Variants in GALNT2 observed in about 807,000 individuals in gnomAD.
GALNT2 encodes the protein polypeptide N-acetylgalactosaminyltransferase 2, also known as UDP-GalNAc:polypeptide N-acetylgalactosaminyltransferase 2.
A neutral mutation model predicts 81.4 loss-of-function variants in GALNT2; 31 were observed. That is an observed-to-expected ratio of 0.38 (90% confidence interval 0.29 to 0.51). The LOEUF (loss-of-function observed/expected upper bound fraction) is 0.51. Ranked by LOEUF, GALNT2 falls within the 20% of genes least tolerant of loss-of-function variation. The pLI is 0.87. For synonymous variants in GALNT2, 303 were observed against 287.4 expected (o/e 1.05, Z -0.55); for missense variants, 629 against 765.7 (o/e 0.82, Z 2.11).
chr1:230,151,836 C>T (rs995079811), intron 1 of GALNT2, among the ~76,000 whole-genome samples: 9 of 152,226 alleles, frequency 5.9e-5, no homozygotes, highest in Non-Finnish European at 1.0e-4. Flanking sequence ...AGAGCAGCCT[C>T]GAGAGCTGCT....
In GALNT2 at chr1:230,086,699, C is replaced by T. The variant is rs74524345; in HGVS notation, c.126+19293C>T. Reference sequence around the variant, plus strand: ...GAGGATTTTGCTGCAGCCTGAATCTCCTGGGTTGGATCTCTTAGAGCAATT... The same window carrying T: ...GAGGATTTTGCTGCAGCCTGAATCTTCTGGGTTGGATCTCTTAGAGCAATT... On this transcript the variant is annotated intron_variant, in intron 1 of 15. Transcript: ENST00000366672. 1.5e-4 allele frequency among the ~76,000 whole-genome samples: 23 copies of T among 152,240 alleles called. No homozygotes were observed. In the East Asian group the frequency reaches 3.7e-3, roughly 24 times the overall value.
chr1:230,058,334 T>G (rs1387978258), intron 1 of GALNT2, among the ~76,000 whole-genome samples: 2 of 152,036 alleles, frequency 1.3e-5, no homozygotes, highest in East Asian at 3.9e-4. Context: ...GCGGGGAAGG[T>G]GGGAACAAGA....
chr1:230,114,341 G>T (rs1660783949), intron 1 of GALNT2, among the ~76,000 whole-genome samples: 1 of 152,214 alleles, frequency 6.6e-6, no homozygotes, highest in South Asian at 2.1e-4. Context: ...TTTCCCTGGT[G>T]AAGACTGAGC....
At chr1:230,116,061 A>C (rs916150471) in intron 1 of GALNT2, among the ~76,000 whole-genome samples, 2 of 152,178 alleles carry the variant, frequency 1.3e-5, no homozygotes, top group African/African-American at 4.8e-5. Flanking sequence ...GAAGGTTGGA[A>C]TCAGCTTCTT....
chr1:230,249,273 T>C lies in GALNT2; in HGVS notation c.905+2T>C. On this transcript the variant is annotated splice_donor_variant, in intron 9 of 15. Coordinates refer to ENST00000366672, the MANE Select transcript of GALNT2 (RefSeq NM_004481.5). LOFTEE classifies it high-confidence loss of function. The stretch of plus-strand genomic sequence containing the variant: ...GGGGAACCCAGTCGCCCCTATAAAG[T>C]AAGTGCCAGCATCCTTCAGGGTGCC... 1 of 1,613,694 alleles carries C rather than the reference T, an allele frequency of 6.2e-7. No individual in the cohort carries two copies. Among genetic ancestry groups the C allele is most frequent in the Non-Finnish European group, 8.5e-7 (1 of 1,179,810 alleles).
At chr1:230,138,199 A>G (rs138714109) in intron 1 of GALNT2, among the ~76,000 whole-genome samples, 226 of 152,320 alleles carry the variant, frequency 1.5e-3, no homozygotes, top group African/African-American at 5.0e-3. Flanking sequence ...GGGTGAGTCC[A>G]TGGAGTAAAG....
rs1252177179 is a variant in GALNT2 at position 230,227,424 on chromosome 1, CTAATACAGCTATATATATATATGCTATA to C, written c.375-8556_375-8529del. On this transcript the variant is annotated intron_variant, in intron 3 of 15. Transcript: ENST00000366672. ...AATCCTAAACCAAATACTAGCAAAT[CTAATACAGCTATATATATATATGCTATA>C]TAATACAGCTATATATATATATGCT... 1.1e-4 allele frequency among the ~76,000 whole-genome samples: 17 copies of C among 150,012 alleles called. No homozygotes were observed. In the South Asian group the frequency reaches 2.3e-3, roughly 20 times the overall value.
At chr1:230,244,730 A>C (rs987168147) in intron 7 of GALNT2, among the ~76,000 whole-genome samples, 1 of 152,206 alleles carries the variant, frequency 6.6e-6, no homozygotes, top group Admixed American at 6.5e-5. Context: ...CCTTTAACTC[A>C]TACACCTAGA....
chr1:230,113,546 G>A lies in GALNT2; in HGVS notation c.126+46140G>A, dbSNP rs931556553. On this transcript the variant is annotated intron_variant, in intron 1 of 15. Coordinates refer to ENST00000366672, the MANE Select transcript of GALNT2 (RefSeq NM_004481.5). ...CAGCTAAACAGCCATGTGGGACAAC[G>A]GCTGAGCAATGACAGTGGAACCCAG... Among the ~76,000 whole-genome samples the A allele has an allele frequency of 5.3e-5, 8 of 152,148 alleles. No homozygotes were observed. The East Asian group carries it at 1.4e-3, about 26-fold the overall frequency.
intron 3 of GALNT2, among the ~76,000 whole-genome samples, chr1:230,211,355 G>T (rs1016269316): frequency 6.6e-6 from 1 of 152,228 alleles, no homozygotes; most frequent in African/African-American, 2.4e-5. Flanking sequence ...TTCTGGCTTT[G>T]TTGGCATTTG....
intron 2 of GALNT2, among the ~76,000 whole-genome samples, chr1:230,190,330 G>A (rs944720714): frequency 2.5e-4 from 38 of 152,352 alleles, no homozygotes; most frequent in Non-Finnish European, 5.0e-4. Context: ...TAGCTGAGAC[G>A]AAGGGGTCTC....
upstream of GALNT2, chr1:230,067,207 C>T (rs1659215932): frequency 2.1e-6 from 2 of 964,142 alleles, no homozygotes; most frequent in Non-Finnish European, 2.6e-6. Flanking sequence ...CTCCCCCGGC[C>T]CCCACCGCGC....
chr1:230,245,158 T>TC (rs1301739297), intron 7 of GALNT2, among the ~76,000 whole-genome samples: 2 of 151,870 alleles, frequency 1.3e-5, no homozygotes, highest in African/African-American at 4.8e-5. Flanking sequence ...TAGGGGGATT[T>TC]TTTTTTTTTA....
chr1:230,110,726 T>TTTTTTTGTC (rs1382320221), intron 1 of GALNT2, among the ~76,000 whole-genome samples: 1 of 151,644 alleles, frequency 6.6e-6, no homozygotes, highest in African/African-American at 2.4e-5. Context: ...TTTTTTTTTT[T>TTTTTTTGTC]TTGTCTTCAA....
rs569691493 is a variant in GALNT2 at position 230,272,740 on chromosome 1, G to GGGTTT, written c.1441-1685_1441-1681dup. Among the ~76,000 whole-genome samples the GGGTTT allele has an allele frequency of 3.7e-3, 560 of 152,194 alleles. 3 individuals carry two copies. The highest frequency in any genetic ancestry group is 5.8e-3 in the Non-Finnish European group (396 of 67,972). On this transcript the variant is annotated intron_variant, in intron 14 of 15. Coordinates refer to ENST00000366672, the MANE Select transcript of GALNT2 (RefSeq NM_004481.5). ...TAAGGTCTGAATGCTAGAATCTTTA[G>GGGTTT]GGTTTGGTTTGGTTTGGTTTGGTTC... is the stretch of plus-strand genomic sequence containing the variant.
intron 1 of GALNT2, among the ~76,000 whole-genome samples, chr1:230,138,540 A>C (rs112730022): frequency 6.7e-6 from 1 of 150,228 alleles, no homozygotes; most frequent in African/African-American, 2.5e-5. Context: ...AAAAAAAAAA[A>C]AAAATGAAAC....
chr1:230,167,890 A>G (rs951390779), intron 1 of GALNT2, among the ~76,000 whole-genome samples: 6 of 152,202 alleles, frequency 3.9e-5, no homozygotes, highest in African/African-American at 1.4e-4. Flanking sequence ...CCTATTGGCA[A>G]TGATTATTTT....
At chr1:230,189,290 C>T (rs1663440722) in intron 2 of GALNT2, among the ~76,000 whole-genome samples, 1 of 152,154 alleles carries the variant, frequency 6.6e-6, no homozygotes, top group Non-Finnish European at 1.5e-5. Context: ...GCCCCCTCCC[C>T]ATCCTGGTCC....
At chr1:230,268,114 ACCGAAATG>A (rs1666080108) in intron 14 of GALNT2, among the ~76,000 whole-genome samples, 1 of 152,128 alleles carries the variant, frequency 6.6e-6, no homozygotes, top group Admixed American at 6.5e-5. Context: ...GTGAAAATCC[ACCGAAATG>A]CCCTCAGAAA....
Sources: allele counts gnomAD v4.1 joint callset (sites outside exome capture counted in the v4.1 genomes callset), GRCh38; gene constraint gnomAD v4.1.1; transcripts MANE v1.5; gene names NCBI Gene and HGNC (gene_info 2026-07-23, HGNC 2026-07-21).